DPP10: variants seen among roughly 807,000 people sequenced by gnomAD.
The protein encoded by DPP10 is dipeptidyl peptidase like 10, also known as inactive dipeptidyl peptidase 10.
Under a neutral mutation model 120.9 loss-of-function variants are expected in DPP10, and 33 were observed. The ratio of observed to expected loss-of-function variants is 0.27; its 90% CI spans 0.21 to 0.37. The LOEUF is 0.37. Among genes scored for constraint, DPP10 ranks in the 10% least tolerant of loss-of-function variants. The pLI is 1.00. For synonymous variants in DPP10, 337 were observed against 326.1 expected, an observed-to-expected ratio of 1.03 and a Z score of -0.36; for missense variants, 816 against 942.8, an observed-to-expected ratio of 0.87 and a Z score of 1.76.
intron 1 of DPP10, among the ~76,000 whole-genome samples, chr2:114,455,156 T>TTGTGTGTGTGTGTG (rs141717813): frequency 7.3e-4 from 108 of 147,490 alleles, no homozygotes; most frequent in African/African-American, 2.5e-3. Context: ...TTTCTTTCTA[T>TTGTGTGTGTGTGTG]TGTGTGTGTG....
intron 2 of DPP10, among the ~76,000 whole-genome samples, chr2:115,320,495 A>T (rs1258855244): frequency 4.7e-5 from 7 of 149,198 alleles, no homozygotes; most frequent in Admixed American, 4.0e-4. Context: ...TTCCTCTCGA[A>T]TTTTTTTTCT....
At chr2:115,376,223 T>A (rs571810289) in intron 3 of DPP10, among the ~76,000 whole-genome samples, 2 of 152,188 alleles carry the variant, frequency 1.3e-5, no homozygotes, top group Admixed American at 6.5e-5. Context: ...CATTTTGTTA[T>A]AAATTTTATG....
chr2:114,590,144 T>TACAA lies in DPP10; in HGVS notation c.60+147310_60+147313dup, dbSNP rs1691337389. Among the ~76,000 whole-genome samples the TACAA allele has an allele frequency of 2.6e-5, 4 of 152,156 alleles. No homozygotes were observed. The South Asian group carries it at 8.3e-4, about 31-fold the overall frequency. ...TATTATAAATAATTGCAGCACAATTTACAAACACAAATAAAAATAGAATCC... is the reference window on the plus strand; with the variant it reads ...TATTATAAATAATTGCAGCACAATTTACAAACAAACACAAATAAAAATAGAATCC... On this transcript the variant is annotated intron_variant, in intron 1 of 25. Transcript: ENST00000410059.
chr2:114,924,034 T>A (rs1695410574), intron 1 of DPP10, among the ~76,000 whole-genome samples: 1 of 152,172 alleles, frequency 6.6e-6, no homozygotes, highest in South Asian at 2.1e-4. Flanking sequence ...TGATTCTTAA[T>A]AATTATTGTT....
At chr2:114,780,737 T>C (rs1682247439) in intron 1 of DPP10, among the ~76,000 whole-genome samples, 3 of 152,048 alleles carry the variant, frequency 2.0e-5, no homozygotes, top group Admixed American at 2.0e-4. Flanking sequence ...ATCTAGTTGA[T>C]TGGTTGATTT....
chr2:114,973,903 GA>G (rs934273893), intron 1 of DPP10, among the ~76,000 whole-genome samples: 6 of 151,196 alleles, frequency 4.0e-5, no homozygotes, highest in Non-Finnish European at 8.9e-5. Flanking sequence ...GCTTTAAAAA[GA>G]AAAAAACTAA....
intron 3 of DPP10, among the ~76,000 whole-genome samples, chr2:115,404,728 T>C (rs777177879): frequency 6.6e-6 from 1 of 152,096 alleles, no homozygotes; most frequent in Non-Finnish European, 1.5e-5. Flanking sequence ...GGCCTTTTAC[T>C]TCATCATGAC....
intron 1 of DPP10, among the ~76,000 whole-genome samples, chr2:114,753,838 G>C (rs1341371903): frequency 6.7e-6 from 1 of 150,178 alleles, no homozygotes; most frequent in African/African-American, 2.5e-5. Flanking sequence ...GAACCCGGGA[G>C]GGGGAGCTTG....
intron 1 of DPP10, among the ~76,000 whole-genome samples, chr2:114,846,221 G>GCTGTCTCAC (rs1688536352): frequency 6.6e-6 from 1 of 152,042 alleles, no homozygotes; most frequent in Non-Finnish European, 1.5e-5. Flanking sequence ...TGGAAGCTAA[G>GCTGTCTCAC]AACCCAGTTT....
intron 1 of DPP10, among the ~76,000 whole-genome samples, chr2:114,652,211 A>G (rs1696641998): frequency 6.6e-6 from 1 of 152,186 alleles, no homozygotes; most frequent in Admixed American, 6.5e-5. Flanking sequence ...CCATCAGTTT[A>G]AGACTTTAAG....
chr2:114,699,985 C>T (rs72955660), intron 1 of DPP10, among the ~76,000 whole-genome samples: 1,929 of 152,080 alleles, frequency 0.013, 51 homozygotes, highest in African/African-American at 0.045. Flanking sequence ...AGGAGAGCCC[C>T]GTGGTAGATG....
At chr2:115,629,435 G>T (rs545595541) in intron 5 of DPP10, among the ~76,000 whole-genome samples, 4 of 152,188 alleles carry the variant, frequency 2.6e-5, no homozygotes, top group Admixed American at 6.5e-5. Flanking sequence ...CCCACCAACA[G>T]TGTAAAAGTG....
chr2:115,220,193 A>G (rs2057063875), intron 1 of DPP10, among the ~76,000 whole-genome samples: 1 of 152,094 alleles, frequency 6.6e-6, no homozygotes, highest in East Asian at 1.9e-4. Context: ...ATCTACACCA[A>G]AGTCTATGCT....
At chr2:115,583,399 G>A (rs1485297945) in intron 5 of DPP10, among the ~76,000 whole-genome samples, 1 of 152,178 alleles carries the variant, frequency 6.6e-6, no homozygotes, top group Non-Finnish European at 1.5e-5. Flanking sequence ...GCTTGATAGT[G>A]TTCAGTTGCA....
intron 1 of DPP10, among the ~76,000 whole-genome samples, chr2:115,000,948 A>G (rs776579951): frequency 6.6e-6 from 1 of 152,150 alleles, no homozygotes; most frequent in Admixed American, 6.6e-5. Flanking sequence ...ACTATCCACT[A>G]TTTCAGAGCT....
chr2:115,106,489 A>G (rs1384422309), intron 1 of DPP10, among the ~76,000 whole-genome samples: 1 of 152,186 alleles, frequency 6.6e-6, no homozygotes, highest in Non-Finnish European at 1.5e-5. Context: ...GACAGGGGTC[A>G]TGCTTCGTCA....
intron 1 of DPP10, among the ~76,000 whole-genome samples, chr2:114,791,364 T>G (rs1431596523): frequency 6.6e-6 from 1 of 152,162 alleles, no homozygotes; most frequent in Non-Finnish European, 1.5e-5. Context: ...TATTTGCATA[T>G]TAATAAACAA....
intron 2 of DPP10, among the ~76,000 whole-genome samples, chr2:115,336,252 A>G (rs1397719779): frequency 6.6e-6 from 1 of 152,060 alleles, no homozygotes; most frequent in Non-Finnish European, 1.5e-5. Flanking sequence ...GCAGTCTATG[A>G]TCTTAAAGGA....
Position 115,791,266 on chromosome 2 carries a change from AT to A in DPP10, c.1631-17del. 9 of 1,607,316 alleles carry A rather than the reference AT, an allele frequency of 5.6e-6. No individual in the cohort carries two copies. Among genetic ancestry groups the A allele is most frequent in the Non-Finnish European group, 7.6e-6 (9 of 1,177,648 alleles). On this transcript the variant is annotated intron_variant, in intron 18 of 25. Coordinates refer to ENST00000410059, the MANE Select transcript of DPP10 (RefSeq NM_020868.6). The stretch of plus-strand genomic sequence containing the variant: ...CTGCAAATGACTCTCCATCTTTAAT[AT>A]TTTGCTCTTTCTTTAAAAGAACTTC...
Sources: gnomAD v4.1 joint callset for allele counts (sites outside exome capture counted in the v4.1 genomes callset) on GRCh38, gnomAD v4.1.1 for gene constraint, MANE v1.5 for transcripts, NCBI Gene and HGNC (gene_info 2026-07-23, HGNC 2026-07-21) for gene names.